The following TCERG1L variants were observed in gnomAD, a reference collection of about 807,000 sequenced individuals.
TCERG1L encodes transcription elongation regulator 1-like protein.
In TCERG1L, 37 loss-of-function variants were observed where a neutral mutation model predicts 56.3. The observed-to-expected ratio is 0.66, with a 90% CI of 0.51 to 0.87. TCERG1L has a LOEUF of 0.87. Ranked by LOEUF, TCERG1L falls within the 40% of genes least tolerant of loss-of-function variation. The pLI is 0.00. For synonymous variants in TCERG1L, 324 were observed against 326.3 expected, an observed-to-expected ratio of 0.99 and a Z score of 0.08; for missense variants, 799 against 774.2, an observed-to-expected ratio of 1.03 and a Z score of -0.38.
intron 6 of TCERG1L, among the ~76,000 whole-genome samples, chr10:131,154,344 C>G (rs923446129): frequency 6.6e-6 from 1 of 152,176 alleles, no homozygotes; most frequent in African/African-American, 2.4e-5. Flanking sequence ...AATCAGCTGG[C>G]TGGTGGGGAG....
chr10:131,102,295 C>T (rs751694005), intron 10 of TCERG1L, among the ~76,000 whole-genome samples: 10 of 152,190 alleles, frequency 6.6e-5, no homozygotes, highest in African/African-American at 9.6e-5. Context: ...TCACACTGCC[C>T]GGCCTACCCC....
chr10:131,192,515 T>C (rs558584464), intron 4 of TCERG1L, among the ~76,000 whole-genome samples: 3 of 144,358 alleles, frequency 2.1e-5, no homozygotes, highest in African/African-American at 7.8e-5. Context: ...ATCCCACTAC[T>C]GGGGGTCTAC....
At position 131,198,243 on chromosome 10, in the gene TCERG1L, T is replaced by C. The variant is rs1845388895; in HGVS notation, c.857-31358A>G. On this transcript the variant is annotated intron_variant, in intron 4 of 11. Transcript: ENST00000368642. The stretch of plus-strand genomic sequence containing the variant: ...GTACGTGGCATCATCAAGTCTATTC[T>C]GATAGAAAAGAACTCAAAAGTGACT... 3.9e-5 allele frequency among the ~76,000 whole-genome samples: 6 copies of C among 152,240 alleles called. No homozygotes were observed. In the South Asian group the frequency reaches 1.2e-3, roughly 31 times the overall value.
chr10:131,118,025 C>T lies in TCERG1L; in HGVS notation c.1260-1091G>A, dbSNP rs2133391252. On this transcript the variant is annotated intron_variant, in intron 8 of 11. Coordinates refer to ENST00000368642, the MANE Select transcript of TCERG1L (RefSeq NM_174937.4). This position sits in a 1 kb window ranked among gnomAD's most constrained non-coding sequence, Gnocchi z 4.2. ...CAGCCTGTTCTCCAGGACGGGCAGA[C>T]TCAACCCGCGCTGGGTTGGCGCACC... Among the ~76,000 whole-genome samples, 1 of 152,276 alleles carries T rather than the reference C, an allele frequency of 6.6e-6. No individual in the cohort carries two copies. Among genetic ancestry groups the T allele is most frequent in the African/African-American group, 2.4e-5 (1 of 41,586 alleles).
At chr10:131,219,542 A>G (rs1845707397) in intron 4 of TCERG1L, among the ~76,000 whole-genome samples, 1 of 152,148 alleles carries the variant, frequency 6.6e-6, no homozygotes, top group South Asian at 2.1e-4. Flanking sequence ...GACCGTCCAC[A>G]AAGGCCACTC....
intron 4 of TCERG1L, among the ~76,000 whole-genome samples, chr10:131,174,215 A>G (rs2133443660): frequency 6.6e-6 from 1 of 152,322 alleles, no homozygotes; most frequent in African/African-American, 2.4e-5. Context: ...TCAGGAGGAC[A>G]GCACTGGGGG....
rs11327805 is a variant in TCERG1L, at chr10:131,164,126, TAAAAAAAAA to T, written c.946-925_946-917del. The T allele has an allele frequency of 4.3e-5, 4 of 93,306 alleles. No homozygotes were observed. In the South Asian group the frequency reaches 1.4e-3, roughly 32 times the overall value. The allele number at this position is 93,306 out of a possible 1,614,324, so 5.8% of individuals were successfully genotyped here. ...TGGGGGACAGAGTGAGACTCTGTCTTAAAAAAAAAAAAAAAAAAGAAAAAAGAAAAAAAA... is the reference window on the plus strand; with the variant it reads ...TGGGGGACAGAGTGAGACTCTGTCTTAAAAAAAAAGAAAAAAGAAAAAAAA... On this transcript the variant is annotated intron_variant, in intron 5 of 11. Transcript: ENST00000368642.
At chr10:131,198,582 C>T (rs914230585) in intron 4 of TCERG1L, among the ~76,000 whole-genome samples, 1 of 152,268 alleles carries the variant, frequency 6.6e-6, no homozygotes, top group African/African-American at 2.4e-5. Flanking sequence ...CCATCCAAGG[C>T]AGGTTCCTGG....
intron 10 of TCERG1L, among the ~76,000 whole-genome samples, chr10:131,099,468 A>G (rs1267768842): frequency 6.6e-6 from 1 of 152,232 alleles, no homozygotes; most frequent in African/African-American, 2.4e-5. Context: ...TAAAAATATC[A>G]AGAGAAAGTC....
intron 4 of TCERG1L, among the ~76,000 whole-genome samples, chr10:131,252,213 A>G (rs1332288621): frequency 6.6e-6 from 1 of 152,204 alleles, no homozygotes; most frequent in Non-Finnish European, 1.5e-5. Context: ...TAATGCTGCT[A>G]TGAACATGGG....
chr10:131,241,849 A>G (rs1845977498), intron 4 of TCERG1L, among the ~76,000 whole-genome samples: 1 of 152,006 alleles, frequency 6.6e-6, no homozygotes, highest in Admixed American at 6.6e-5. Context: ...AAAATCACTG[A>G]ACATCCGAGA....
At chr10:131,182,852 T>C (rs1293184830) in intron 4 of TCERG1L, among the ~76,000 whole-genome samples, 1 of 152,234 alleles carries the variant, frequency 6.6e-6, no homozygotes, top group Admixed American at 6.5e-5. Context: ...CTTCTTTCAG[T>C]TATCTTCTTT....
intron 4 of TCERG1L, among the ~76,000 whole-genome samples, chr10:131,219,603 C>T (rs1845707858): frequency 1.3e-5 from 2 of 152,210 alleles, no homozygotes; most frequent in Admixed American, 6.5e-5. Context: ...TACCTCCTCA[C>T]TGATCCTTTG....
At chr10:131,223,003 T>A (rs563106950) in intron 4 of TCERG1L, among the ~76,000 whole-genome samples, 162 of 152,282 alleles carry the variant, frequency 1.1e-3, no homozygotes, top group Non-Finnish European at 1.7e-3. Context: ...GTGAGTTCCA[T>A]CCCTGATGGT....
intron 8 of TCERG1L, among the ~76,000 whole-genome samples, chr10:131,123,702 G>A (rs917762557): frequency 6.6e-6 from 1 of 152,036 alleles, no homozygotes; most frequent in South Asian, 2.1e-4. Flanking sequence ...TGCTTGCCCG[G>A]CCAGGGGCCG....
chr10:131,092,990 A>G lies in TCERG1L; in HGVS notation c.*172T>C, dbSNP rs919145881. 5.1e-6 allele frequency: 3 copies of G among 590,100 alleles called. No individual in the cohort carries two copies. The highest frequency in any genetic ancestry group is 5.8e-6 in the Non-Finnish European group (2 of 342,854). 36.6% of individuals were successfully genotyped at this position (590,100 alleles called of 1,614,324 possible). A position where few individuals can be genotyped will look rare whatever the true frequency, so the allele number is the denominator to read the frequency against. ...ATCAAACTCTGAATGTACAAAAGAG[A>G]GAGCTTCAATATGAAACAGTAATCC... On this transcript the variant is annotated 3_prime_UTR_variant, in exon 12 of 12. Coordinates refer to ENST00000368642, the MANE Select transcript of TCERG1L (RefSeq NM_174937.4).
intron 7 of TCERG1L, among the ~76,000 whole-genome samples, chr10:131,140,716 G>A (rs1453292665): frequency 1.3e-5 from 2 of 152,208 alleles, no homozygotes; most frequent in African/African-American, 2.4e-5. Flanking sequence ...GGCAGGCAGC[G>A]GTGCGAGGGA....
intron 3 of TCERG1L, among the ~76,000 whole-genome samples, chr10:131,274,540 T>C (rs1846373673): frequency 1.3e-5 from 2 of 152,220 alleles, no homozygotes; most frequent in South Asian, 4.1e-4. Context: ...ATCACAGGTC[T>C]GTGCACCAAG....
chr10:131,302,509 G>T (rs1162635111), intron 3 of TCERG1L, among the ~76,000 whole-genome samples: 1 of 151,544 alleles, frequency 6.6e-6, no homozygotes, highest in Non-Finnish European at 1.5e-5. Context: ...GCCATACCTT[G>T]AAACGGCTCT....
Sources: gnomAD v4.1 joint callset for allele counts (sites outside exome capture counted in the v4.1 genomes callset) on GRCh38, gnomAD v4.1.1 for gene constraint, Gnocchi (gnomAD v3.1) non-coding constraint, MANE v1.5 for transcripts, NCBI Gene and HGNC (gene_info 2026-07-23, HGNC 2026-07-21) for gene names.